GNA15: variants seen among roughly 807,000 people sequenced by gnomAD.
GNA15 encodes the protein guanine nucleotide-binding protein subunit alpha-15.
Under a neutral mutation model 40.1 loss-of-function variants are expected in GNA15, and 23 were observed. That is an observed-to-expected ratio of 0.57 (90% CI 0.41 to 0.81). The LOEUF is 0.81. Ranked by LOEUF, GNA15 falls within the 40% of genes least tolerant of loss-of-function variation. The probability of loss-of-function intolerance (pLI) is 0.00; values close to 1 mark genes in which losing one functional copy is unlikely to be tolerated. For missense variants in GNA15, 522 were observed against 515.8 expected (o/e 1.01, Z -0.12); for synonymous variants, 226 against 210.4 (o/e 1.07, Z -0.64).
At chr19:3,159,337 A>G (rs1472270555) in intron 6 of GNA15, among the ~76,000 whole-genome samples, 1 of 97,584 alleles carries the variant, frequency 1.0e-5, no homozygotes, top group Non-Finnish European at 2.0e-5. Context: ...TTTTTCTTTA[A>G]TTTCTTTTCT....
At chr19:3,140,033 CA>C (rs61178299) in intron 1 of GNA15, among the ~76,000 whole-genome samples, 2,396 of 95,910 alleles carry the variant, frequency 0.025, 98 homozygotes, top group African/African-American at 0.095. Context: ...AACTCCATCT[CA>C]AAAAAAAAAA....
chr19:3,145,359 A>ATATTT, intron 1 of GNA15, among the ~76,000 whole-genome samples: 1,998 of 46,940 alleles, frequency 0.043, 134 homozygotes, highest in East Asian at 0.11. Context: ...ATATATATAT[A>ATATTT]TTTTTTTTTT....
In GNA15 at chr19:3,150,141, G is replaced by A. The variant is rs139115108; in HGVS notation, c.341G>A (p.Ser114Asn). The change falls in exon 3 of 7, where the codon AGC becomes AAC. Residue 114 changes from serine to asparagine, a missense_variant. Ser to Asn is a conservative substitution (Grantham distance 46). Transcript: ENST00000262958. ...GTCCTCCCTCCCCAGCACCACGCTA[G>A]CCTGGTCATGAGCCAGGACCCCTAT... The part of the protein sequence containing the change: ...FSRPESKHHA[S>N]LVMSQDPYKV... The A allele has an allele frequency of 1.8e-3, 2,918 of 1,613,168 alleles. 39 individuals carry two copies. In the African/African-American group the frequency reaches 0.033, roughly 18 times the overall value.
chr19:3,144,736 G>A (rs979779728), intron 1 of GNA15, among the ~76,000 whole-genome samples: 18 of 151,088 alleles, frequency 1.2e-4, no homozygotes, highest in Non-Finnish European at 1.8e-4. Context: ...CACCGTGTTA[G>A]CCAGGATGGT....
chr19:3,141,040 CTGTT>C (rs1226661056), intron 1 of GNA15, among the ~76,000 whole-genome samples: 2 of 142,936 alleles, frequency 1.4e-5, no homozygotes, highest in African/African-American at 2.6e-5. Flanking sequence ...AATCCAAAAG[CTGTT>C]TTTTTTTTAC....
chr19:3,148,211 C>G (rs931936090), intron 1 of GNA15, among the ~76,000 whole-genome samples: 2 of 152,056 alleles, frequency 1.3e-5, no homozygotes, highest in Non-Finnish European at 2.9e-5. Context: ...GCCTCAGCCT[C>G]CTGCGTAGCT....
chr19:3,149,826 G>T, intron 2 of GNA15: 1 of 277,766 alleles, frequency 3.6e-6, no homozygotes, highest in South Asian at 6.7e-5. Context: ...CGTGCTTCCT[G>T]GGAGCCAGCT....
intron 2 of GNA15, 122 bp downstream of exon 2, chr19:3,148,897 C>T (rs1914803647): frequency 1.3e-5 from 13 of 972,838 alleles, no homozygotes; most frequent in East Asian, 5.2e-5. Context: ...GCAGGGCAGG[C>T]AGGGAAGGGT....
intron 3 of GNA15, 48 bp downstream of exon 3, chr19:3,150,333 G>T (rs767293638): frequency 6.3e-5 from 92 of 1,462,000 alleles, no homozygotes; most frequent in Non-Finnish European, 8.1e-5. Context: ...GGGGCTGAGG[G>T]CAGGGGCCAG....
rs945802050 is a variant in GNA15, at chr19:3,136,897, G to A, written c.145+302G>A. On this transcript the variant is annotated intron_variant, in intron 1 of 6. Transcript: ENST00000262958. The surrounding 1 kb of genome is among the most constrained non-coding windows in gnomAD (Gnocchi z 4.9). ...GGCCCCTGCCGGGCAGGCCCAGCAC[G>A]CCCTACCTGTCTGTGTCATGGCGAG... Among the ~76,000 whole-genome samples the A allele has an allele frequency of 3.9e-5, 6 of 152,330 alleles. No homozygotes were observed. Among genetic ancestry groups the A allele is most frequent in the Admixed American group, 6.5e-5 (1 of 15,296 alleles).
chr19:3,140,522 AC>A (rs1290717817), intron 1 of GNA15, among the ~76,000 whole-genome samples: 1 of 151,996 alleles, frequency 6.6e-6, no homozygotes, highest in Non-Finnish European at 1.5e-5. Context: ...TTCCCTGACT[AC>A]CCTAGCTATA....
At chr19:3,152,728 G>C (rs907755314) in intron 4 of GNA15, among the ~76,000 whole-genome samples, 2 of 152,302 alleles carry the variant, frequency 1.3e-5, no homozygotes, top group Non-Finnish European at 2.9e-5. Flanking sequence ...AGCTGAGCAG[G>C]GGTGCAAAGT....
At chr19:3,156,547 C>T (rs1915034586) in intron 5 of GNA15, among the ~76,000 whole-genome samples, 1 of 152,214 alleles carries the variant, frequency 6.6e-6, no homozygotes, top group Admixed American at 6.5e-5. Context: ...GGCTGGAGTG[C>T]AGTGGCGCGA....
At chr19:3,154,205 GTGGATGAGTGGA>G (rs980184846) in intron 4 of GNA15, among the ~76,000 whole-genome samples, 11 of 145,112 alleles carry the variant, frequency 7.6e-5, no homozygotes, top group Non-Finnish European at 1.5e-4. Flanking sequence ...GGATGGATGG[GTGGATGAGTGGA>G]TGGATGGATG....
intron 1 of GNA15, among the ~76,000 whole-genome samples, chr19:3,144,316 C>G (rs1914647173): frequency 6.6e-6 from 1 of 151,890 alleles, no homozygotes; most frequent in South Asian, 2.1e-4. Flanking sequence ...ATGAGAAACT[C>G]AAAGAAACGG....
chr19:3,156,039 T>G, intron 5 of GNA15, 87 bp downstream of exon 5: 1 of 1,300,264 alleles, frequency 7.7e-7, no homozygotes, highest in Non-Finnish European at 1.1e-6. Context: ...AAGGGAGGGA[T>G]CCCTGCTCTT....
chr19:3,142,235 A>C (rs399799), intron 1 of GNA15: 133,149 of 151,948 alleles, frequency 0.88, 58,690 homozygotes, highest in African/African-American at 0.91. Context: ...GATCACTCCC[A>C]CCATTTCTAT....
intron 6 of GNA15, among the ~76,000 whole-genome samples, chr19:3,158,949 TA>T (rs1208920835): frequency 6.6e-6 from 1 of 152,052 alleles, no homozygotes; most frequent in Non-Finnish European, 1.5e-5. Context: ...TTTCTTTTTC[TA>T]ATCTTTCATA....
Position 3,155,835 on chromosome 19 carries a change from C to CG in GNA15, c.632dup (p.Gln212ProfsTer6). On this transcript the variant is annotated frameshift_variant, in exon 5 of 7. Coordinates refer to ENST00000262958, the MANE Select transcript of GNA15 (RefSeq NM_002068.4). LOFTEE classifies it high-confidence loss of function. The surrounding 1 kb of genome is among the most constrained non-coding windows in gnomAD (Gnocchi z 5.6). Reference sequence around the variant, plus strand: ...CGGTTCCCTGTAGGATCGTGGACGTCGGGGGCCAGAAGTCAGAGCGTAAGA... The same window carrying CG: ...CGGTTCCCTGTAGGATCGTGGACGTCGGGGGGCCAGAAGTCAGAGCGTAAGA... 1 of 1,613,350 alleles carries CG rather than the reference C, an allele frequency of 6.2e-7. No individual in the cohort carries two copies. The highest frequency in any genetic ancestry group is 8.5e-7 in the Non-Finnish European group (1 of 1,179,900).
Sources: gnomAD v4.1 joint callset for allele counts (sites outside exome capture counted in the v4.1 genomes callset) on GRCh38, gnomAD v4.1.1 for gene constraint, Gnocchi (gnomAD v3.1) non-coding constraint, MANE v1.5 for transcripts, NCBI Gene and HGNC (gene_info 2026-07-23, HGNC 2026-07-21) for gene names.